Variants in GTPBP1 observed in about 807,000 individuals in gnomAD.
GTPBP1 encodes GTP-binding protein 1.
A neutral mutation model predicts 62.0 loss-of-function variants in GTPBP1; 23 were observed. That is an observed-to-expected ratio of 0.37 (90% CI 0.27 to 0.53). GTPBP1 has a LOEUF of 0.53. Among genes scored for constraint, GTPBP1 ranks in the 20% least tolerant of loss-of-function variants. The pLI, the probability that GTPBP1 is intolerant of heterozygous loss-of-function variation, is 0.89. For synonymous variants in GTPBP1, 344 were observed against 364.4 expected, an observed-to-expected ratio of 0.94 and a Z score of 0.64; for missense variants, 640 against 917.3, an observed-to-expected ratio of 0.70 and a Z score of 3.90.
intron 6 of GTPBP1, among the ~76,000 whole-genome samples, chr22:38,724,618 T>C (rs970953147): frequency 1.4e-4 from 21 of 152,128 alleles, no homozygotes; most frequent in African/African-American, 4.6e-4. Flanking sequence ...CCAGGGGTAA[T>C]ATCACGTAAC....
intron 10 of GTPBP1, chr22:38,729,079 C>T (rs1031200295): frequency 3.0e-5 from 5 of 165,012 alleles, no homozygotes; most frequent in Non-Finnish European, 6.5e-5. Context: ...CAGGAGATCC[C>T]GGAGCTCCAC....
rs755303735 is a variant in GTPBP1, at chr22:38,728,072, C to T, written c.1627C>T (p.Arg543Cys). 22 of 1,612,640 alleles carry T rather than the reference C, an allele frequency of 1.4e-5. No homozygotes were observed. The highest frequency in any genetic ancestry group is 4.5e-5 in the East Asian group (2 of 44,866). Residue 543 changes from arginine to cysteine, a missense_variant, in exon 10 of 12, where the codon CGC (arginine) becomes TGC (cysteine). Arg to Cys is a radical substitution (Grantham distance 180). This residue lies in a region of GTPBP1 where 220 missense variants were observed against 358.1 expected (regional missense o/e 0.61). Coordinates refer to ENST00000216044, the MANE Select transcript of GTPBP1 (RefSeq NM_004286.5). ...TGGGGACAAGGCCACTGTACACTTC[C>T]GCTTCATCAAGACCCCTGAGTACCT... Reference protein sequence around the residue: ...RTGDKATVHFRFIKTPEYLHI... With the variant: ...RTGDKATVHFCFIKTPEYLHI...
downstream of GTPBP1, chr22:38,739,527 G>T: frequency 1.4e-6 from 2 of 1,412,824 alleles, no homozygotes; most frequent in Non-Finnish European, 2.0e-6. The surrounding 1 kb of genome is among the most constrained non-coding windows in gnomAD (Gnocchi z 6.7). Flanking sequence ...ACCCCTTCTA[G>T]GCTTGCACTG....
In GTPBP1 at chr22:38,727,510, T is replaced by TTGATTCCTTCCC. The variant is rs1384154353; in HGVS notation, c.1537+163_1537+174dup. Among the ~76,000 whole-genome samples the TTGATTCCTTCCC allele has an allele frequency of 1.3e-5, 2 of 151,830 alleles. No homozygotes were observed. The highest frequency in any genetic ancestry group is 2.9e-5 in the Non-Finnish European group (2 of 67,908). ...TCTGTTCTACCCATGAGCCGCAGTG[T>TTGATTCCTTCCC]TGATTCCTTCCCACAAACACTGAGG... On this transcript the variant is annotated intron_variant, in intron 9 of 11. Coordinates refer to ENST00000216044, the MANE Select transcript of GTPBP1 (RefSeq NM_004286.5). The surrounding 1 kb of genome is among the most constrained non-coding windows in gnomAD (Gnocchi z 6.5).
In GTPBP1 at chr22:38,733,426, C is replaced by T. The variant is rs1372107976; in HGVS notation, c.*2722C>T. 6.6e-6 allele frequency: 1 copy of T among 152,318 alleles called. No homozygotes were observed. The highest frequency in any genetic ancestry group is 2.4e-5 in the African/African-American group (1 of 41,470). The allele number at this position is 152,318 out of a possible 1,614,324, so 9.4% of individuals were successfully genotyped here. A position where few individuals can be genotyped will look rare whatever the true frequency, so the allele number is the denominator to read the frequency against. ...GGTGGGGTTGGATCTGTGTAGTTGC[C>T]AGGCCCACACCTGCCAGCAGGGGGC... On this transcript the variant is annotated 3_prime_UTR_variant, in exon 12 of 12. Coordinates refer to ENST00000216044, the MANE Select transcript of GTPBP1 (RefSeq NM_004286.5).
At chr22:38,714,067 GAGGTC>G (rs1332365134) in intron 2 of GTPBP1, among the ~76,000 whole-genome samples, 13 of 152,218 alleles carry the variant, frequency 8.5e-5, no homozygotes, top group Admixed American at 8.5e-4. Flanking sequence ...CACATCAGGA[GAGGTC>G]AGGTGATGCG....
At position 38,716,640 on chromosome 22, in the gene GTPBP1, A is replaced by G. The variant is rs775092217; in HGVS notation, c.486-12A>G. The G allele has an allele frequency of 6.3e-7, 1 of 1,594,770 alleles. No individual in the cohort carries two copies. Among genetic ancestry groups the G allele is most frequent in the Non-Finnish European group, 8.6e-7 (1 of 1,165,690 alleles). The stretch of plus-strand genomic sequence containing the variant: ...AACTCTCACATAGATGTATGGGTTC[A>G]TCTACACGCAGGGTAGCAGTGGTGG... On this transcript the variant is annotated splice_polypyrimidine_tract_variant and intron_variant, in intron 3 of 11. Coordinates refer to ENST00000216044, the MANE Select transcript of GTPBP1 (RefSeq NM_004286.5). This position sits in a 1 kb window ranked among gnomAD's most constrained non-coding sequence, Gnocchi z 5.2.
At chr22:38,740,857 G>C (rs999196977), downstream of GTPBP1, 7 of 842,592 alleles carry the variant, frequency 8.3e-6, no homozygotes, top group Non-Finnish European at 1.3e-5. The surrounding 1 kb of genome is among the most constrained non-coding windows in gnomAD (Gnocchi z 4.8). Flanking sequence ...CTGGGCAGGG[G>C]TCCTGAGCTG....
chr22:38,728,298 C>T, intron 10 of GTPBP1, 137 bp downstream of exon 10: 1 of 655,204 alleles, frequency 1.5e-6, no homozygotes, highest in East Asian at 2.7e-5. Context: ...TCGGTGCCAT[C>T]TCTCTACTCC....
At chr22:38,711,271 G>A (rs1164641549) in intron 2 of GTPBP1, among the ~76,000 whole-genome samples, 1 of 152,182 alleles carries the variant, frequency 6.6e-6, no homozygotes, top group Non-Finnish European at 1.5e-5. Flanking sequence ...GTAGAGGAAT[G>A]TGCTCTTTAA....
At chr22:38,717,420 G>A (rs907031584) in intron 4 of GTPBP1, among the ~76,000 whole-genome samples, 5 of 152,262 alleles carry the variant, frequency 3.3e-5, no homozygotes, top group African/African-American at 1.2e-4. Context: ...AGCCATAGGA[G>A]GCACAGGCCA....
chr22:38,727,382 C>A lies in GTPBP1; in HGVS notation c.1537+34C>A. On this transcript the variant is annotated intron_variant, in intron 9 of 11. Coordinates refer to ENST00000216044, the MANE Select transcript of GTPBP1 (RefSeq NM_004286.5). The surrounding 1 kb of genome is among the most constrained non-coding windows in gnomAD (Gnocchi z 6.5). ...CTAAGGCCCTGCCAGCCCAGGAGGC[C>A]GTCGTGTTAGCTCCCCTCAGAAGGT... is the stretch of plus-strand genomic sequence containing the variant. The A allele has an allele frequency of 1.3e-6, 2 of 1,500,868 alleles. No individual in the cohort carries two copies. The highest frequency in any genetic ancestry group is 1.4e-5 in the African/African-American group (1 of 70,100). 93.0% of individuals were successfully genotyped at this position (1,500,868 alleles called of 1,614,324 possible).
chr22:38,728,287 C>T, intron 10 of GTPBP1, 126 bp downstream of exon 10: 1 of 685,594 alleles, frequency 1.5e-6, no homozygotes, highest in Non-Finnish European at 2.5e-6. Flanking sequence ...GAGGTGTGGC[C>T]TCGGTGCCAT....
chr22:38,737,709 C>G, downstream of GTPBP1: 1 of 360,116 alleles, frequency 2.8e-6, no homozygotes, highest in South Asian at 2.1e-5. This position sits in a 1 kb window ranked among gnomAD's most constrained non-coding sequence, Gnocchi z 4.1. Flanking sequence ...GTCCTGTCAG[C>G]CCTAAGGAAC....
intron 4 of GTPBP1, 64 bp from the exon 5 acceptor site, chr22:38,721,678 T>A: frequency 6.5e-7 from 1 of 1,532,876 alleles, no homozygotes; most frequent in Non-Finnish European, 9.0e-7. Context: ...TTTGAGCCCC[T>A]GTGTCCACCC....
downstream of GTPBP1, chr22:38,739,582 C>T (rs1296140275): frequency 1.1e-5 from 14 of 1,303,818 alleles, no homozygotes; most frequent in African/African-American, 7.3e-5. This position sits in a 1 kb window ranked among gnomAD's most constrained non-coding sequence, Gnocchi z 6.7. Context: ...CCCACCCATG[C>T]CAGCCCCACA....
chr22:38,740,330 C>T (rs2092845360), downstream of GTPBP1: 5 of 1,599,598 alleles, frequency 3.1e-6, no homozygotes, highest in Non-Finnish European at 4.3e-6. The surrounding 1 kb of genome is among the most constrained non-coding windows in gnomAD (Gnocchi z 4.8). Context: ...CCGAGCTCTG[C>T]TTCAGTGCCA....
chr22:38,723,636 C>T (rs1003823363), intron 5 of GTPBP1: 3 of 453,976 alleles, frequency 6.6e-6, no homozygotes, highest in South Asian at 3.5e-5. Flanking sequence ...GAATTATCCT[C>T]TTCCTTGTTC....
chr22:38,738,154 G>GCATCTGCCCAGGTACGC (rs1209211150), downstream of GTPBP1: 1 of 1,611,200 alleles, frequency 6.2e-7, no homozygotes, highest in Non-Finnish European at 8.5e-7. This position sits in a 1 kb window ranked among gnomAD's most constrained non-coding sequence, Gnocchi z 6.6. Flanking sequence ...ACTTCTGCTA[G>GCATCTGCCCAGGTACGC]CACAGCAGCA....
Sources: gnomAD v4.1 joint callset for allele counts (sites outside exome capture counted in the v4.1 genomes callset) on GRCh38, gnomAD v4.1.1 for gene constraint, gnomAD v4.1.1 regional missense constraint, Gnocchi (gnomAD v3.1) non-coding constraint, MANE v1.5 for transcripts, NCBI Gene and HGNC (gene_info 2026-07-23, HGNC 2026-07-21) for gene names.